Variants in MFGE8 observed in about 807,000 individuals in gnomAD.
MFGE8 encodes lactadherin.
A neutral mutation model predicts 42.6 loss-of-function variants in MFGE8; 34 were observed. The ratio of observed to expected loss-of-function variants is 0.80; its 90% CI spans 0.61 to 1.06. The LOEUF (loss-of-function observed/expected upper bound fraction) is 1.06. Ranked by LOEUF, MFGE8 falls within the 50% of genes least tolerant of loss-of-function variation. MFGE8 has a pLI of 0.00. For missense variants in MFGE8, 510 were observed against 516.9 expected, an observed-to-expected ratio of 0.99 and a Z score of 0.13; for synonymous variants, 230 against 214.8, an observed-to-expected ratio of 1.07 and a Z score of -0.62.
At position 88,908,963 on chromosome 15, in the gene MFGE8, G is replaced by A. The variant is rs555272350; in HGVS notation, c.205+829C>T. On this transcript the variant is annotated intron_variant, in intron 2 of 7. Coordinates refer to ENST00000268150, the MANE Select transcript of MFGE8 (RefSeq NM_005928.4). ...CCCCACATCTCCCTGAGGAGGGCAA[G>A]ATGTCCCCTGTCCCCTACCCAAGAT... is the stretch of plus-strand genomic sequence containing the variant. 2.0e-5 allele frequency among the ~76,000 whole-genome samples: 3 copies of A among 152,272 alleles called. No individual in the cohort carries two copies. The South Asian group carries it at 6.2e-4, about 32-fold the overall frequency.
chr15:88,913,288 CACA>C lies in MFGE8; in HGVS notation c.29_31del (p.Leu10_Cys11delinsArg). ...GCTGGGGGCGCAGAGCAGCGCGCCG[CACA>C]GCGCGGCCAGCAGGCGGGGGCGCGG... is the stretch of plus-strand genomic sequence containing the variant. On this transcript the variant is annotated inframe_deletion, in exon 1 of 8. Transcript: ENST00000268150. 6.7e-7 allele frequency: 1 copy of C among 1,482,250 alleles called. No homozygotes were observed. 91.8% of individuals were successfully genotyped at this position (1,482,250 alleles called of 1,614,324 possible).
At chr15:88,907,152 C>G (rs200463040) in intron 3 of MFGE8, 43 bp downstream of exon 3, 37 of 1,586,982 alleles carry the variant, frequency 2.3e-5, no homozygotes, top group Admixed American at 1.4e-4. Context: ...ATTCATCGAG[C>G]CTTCTCTCCA....
chr15:88,912,288 G>A, intron 1 of MFGE8: 1 of 1,287,032 alleles, frequency 7.8e-7, no homozygotes, highest in South Asian at 1.2e-5. Flanking sequence ...AAGGGGCTAA[G>A]AAGATCCAGC....
In MFGE8 at chr15:88,899,465, C is replaced by T. The variant is rs772742240; in HGVS notation, c.1094G>A (p.Arg365His). The change falls in exon 8 of 8, where the codon CGC becomes CAC. Residue 365 changes from arginine (R) to histidine (H), a missense_variant. By Grantham distance (29) the Arg-to-His change is conservative (BLOSUM62 0). Coordinates refer to ENST00000268150, the MANE Select transcript of MFGE8 (RefSeq NM_005928.4). The surrounding 1 kb of genome is among the most constrained non-coding windows in gnomAD (Gnocchi z 6.8). The part of the protein sequence containing the change: ...KNLFETPILA[R>H]YVRILPVAWH... ...GGCTACAGGCAGGATGCGCACATAG[C>T]GAGCCAGGATGGGCGTCTCAAACAA... 6.8e-6 allele frequency: 11 copies of T among 1,614,224 alleles called. No individual in the cohort carries two copies. The East Asian group carries it at 1.1e-4, about 16-fold the overall frequency.
At position 88,909,861 on chromosome 15, in the gene MFGE8, G is replaced by C. The variant is rs141213799; in HGVS notation, c.136C>G (p.Arg46Gly). The change falls in exon 2 of 8, where the codon CGA becomes GGA. Residue 46 changes from arginine to glycine, a missense_variant. Transcript: ENST00000268150. ...GTGTACGAGGGGAAGACATCTCCTC[G>C]CACTTCTTGGGAAATCTCCTCGCAT... ...GLCEEISQEV[R>G]GDVFPSYTCT... 23 of 1,614,080 alleles carry C rather than the reference G, an allele frequency of 1.4e-5. No homozygotes were observed. The highest frequency in any genetic ancestry group is 1.9e-5 in the Non-Finnish European group (22 of 1,180,038).
At position 88,899,723 on chromosome 15, in the gene MFGE8, T is replaced by G; in HGVS notation, c.959A>C (p.Lys320Thr). The G allele has an allele frequency of 6.2e-7, 1 of 1,614,120 alleles. No homozygotes were observed. Among genetic ancestry groups the G allele is most frequent in the Non-Finnish European group, 8.5e-7 (1 of 1,180,012 alleles). Residue 320 changes from lysine to threonine, a missense_variant, in exon 7 of 8, where the codon AAG becomes ACG. Physicochemically the swap from Lys to Thr is moderately conservative, Grantham distance 78 (BLOSUM62 -1). Coordinates refer to ENST00000268150, the MANE Select transcript of MFGE8 (RefSeq NM_005928.4). The surrounding 1 kb of genome is among the most constrained non-coding windows in gnomAD (Gnocchi z 6.8). Reference sequence around the variant, plus strand: ...CGCACTGTCATTACTGTAGGCAACCTTGTAGGATGCCACAAACTGGACAGA... The same window carrying G: ...CGCACTGTCATTACTGTAGGCAACCGTGTAGGATGCCACAAACTGGACAGA... Reference protein sequence around the residue: ...FGSVQFVASYKVAYSNDSANW... With the variant: ...FGSVQFVASYTVAYSNDSANW...
At position 88,906,711 on chromosome 15, in the gene MFGE8, T is replaced by C. The variant is rs761497426; in HGVS notation, c.455A>G (p.His152Arg). 4.0e-5 allele frequency: 64 copies of C among 1,613,828 alleles called. No homozygotes were observed. Among genetic ancestry groups the C allele is most frequent in the Non-Finnish European group, 3.8e-5 (45 of 1,179,960 alleles). ...CACCTTGAAGGCCTTCAGGTACTCA[T>C]GACTGGCCAAGCGGCTGGCACCCTG... ...VTQGASRLAS[H>R]EYLKAFKVAY... Residue 152 changes from histidine to arginine, a missense_variant, in exon 4 of 8, where the codon CAT (histidine) becomes CGT (arginine). Transcript: ENST00000268150. This position sits in a 1 kb window ranked among gnomAD's most constrained non-coding sequence, Gnocchi z 4.2.
chr15:88,909,388 T>C (rs1434326061), intron 2 of MFGE8, among the ~76,000 whole-genome samples: 1 of 152,200 alleles, frequency 6.6e-6, no homozygotes, highest in Non-Finnish European at 1.5e-5. Context: ...TTCCTGGGCC[T>C]CAAAAGACCA....
At chr15:88,901,287 TCACA>T (rs1211968429) in intron 6 of MFGE8, among the ~76,000 whole-genome samples, 1 of 99,772 alleles carries the variant, frequency 1.0e-5, no homozygotes, top group African/African-American at 3.7e-5. Context: ...ACACTCACAT[TCACA>T]CACATTCACA....
At chr15:88,912,011 G>A in intron 1 of MFGE8, 3 of 798,710 alleles carry the variant, frequency 3.8e-6, no homozygotes, top group Non-Finnish European at 5.5e-6. Context: ...CTTGGGTTGG[G>A]AATGGACTCT....
At chr15:88,910,685 G>C (rs1175491478) in intron 1 of MFGE8, 1 of 154,738 alleles carries the variant, frequency 6.5e-6, no homozygotes, top group Admixed American at 6.4e-5. Flanking sequence ...CAAAGTAAGG[G>C]GGGTGCCAGA....
At chr15:88,901,287 TCACACACATTCACACACTCACA>T (rs1898407893) in intron 6 of MFGE8, among the ~76,000 whole-genome samples, 1 of 99,768 alleles carries the variant, frequency 1.0e-5, no homozygotes, top group Non-Finnish European at 2.2e-5. Flanking sequence ...ACACTCACAT[TCACACACATTCACACACTCACA>T]CACACACATT....
chr15:88,906,925 C>A lies in MFGE8; in HGVS notation c.388-147G>T. On this transcript the variant is annotated intron_variant, in intron 3 of 7. Coordinates refer to ENST00000268150, the MANE Select transcript of MFGE8 (RefSeq NM_005928.4). This position sits in a 1 kb window ranked among gnomAD's most constrained non-coding sequence, Gnocchi z 4.2. ...GGGGTAGCTGAGCACACTGCCCGCA[C>A]AAAGGGCTTTCTTCTTCTGCCCAGG... 9.2e-7 allele frequency: 1 copy of A among 1,083,336 alleles called. No homozygotes were observed. The highest frequency in any genetic ancestry group is 1.4e-6 in the Non-Finnish European group (1 of 734,288). The allele number at this position is 1,083,336 out of a possible 1,614,324, so 67.1% of individuals were successfully genotyped here.
chr15:88,906,148 C>T lies in MFGE8; in HGVS notation c.541-247G>A. ...CCTGGGCATAAACCCCTATAGCTGA[C>T]ACAGGGCCACCTGTAACCTACAGGG... On this transcript the variant is annotated intron_variant, in intron 4 of 7. Coordinates refer to ENST00000268150, the MANE Select transcript of MFGE8 (RefSeq NM_005928.4). The surrounding 1 kb of genome is among the most constrained non-coding windows in gnomAD (Gnocchi z 4.2). 1.8e-6 allele frequency: 1 copy of T among 570,396 alleles called. No homozygotes were observed. Among genetic ancestry groups the T allele is most frequent in the South Asian group, 2.0e-5 (1 of 50,056 alleles). The allele number at this position is 570,396 out of a possible 1,614,324, so 35.3% of individuals were successfully genotyped here. A position where few individuals can be genotyped will look rare whatever the true frequency, so the allele number is the denominator to read the frequency against.
chr15:88,901,717 C>T lies in MFGE8; in HGVS notation c.704G>A (p.Gly235Asp). 1 of 1,613,944 alleles carries T rather than the reference C, an allele frequency of 6.2e-7. No individual in the cohort carries two copies. The highest frequency in any genetic ancestry group is 8.5e-7 in the Non-Finnish European group (1 of 1,179,990). The change falls in exon 6 of 8, where the codon GGC becomes GAC. Residue 235 changes from glycine to aspartate, a missense_variant. By Grantham distance (94) the Gly-to-Asp change is moderately conservative. Transcript: ENST00000268150. The part of the protein sequence containing the change: ...CELNGCANPL[G>D]LKNNSIPDKQ... ...GTCAGGGATGCTGTTATTCTTCAGG[C>T]CCAGGGGATTGGCGCATCCTGCCAG...
rs1898712210 is a variant in MFGE8, at chr15:88,906,980, C to T, written c.388-202G>A. Among the ~76,000 whole-genome samples the T allele has an allele frequency of 6.6e-6, 1 of 152,222 alleles. No homozygotes were observed. On this transcript the variant is annotated intron_variant, in intron 3 of 7. Coordinates refer to ENST00000268150, the MANE Select transcript of MFGE8 (RefSeq NM_005928.4). This position sits in a 1 kb window ranked among gnomAD's most constrained non-coding sequence, Gnocchi z 4.2. ...CAGAGGCCTCATCCAGCACCAACAGCTCCTCCACAGCCTGGGGCCTCCTCC... is the reference window on the plus strand; with the variant it reads ...CAGAGGCCTCATCCAGCACCAACAGTTCCTCCACAGCCTGGGGCCTCCTCC...
Position 88,906,438 on chromosome 15 carries a change from T to C in MFGE8, c.540+188A>G. 1.5e-6 allele frequency: 1 copy of C among 669,026 alleles called. No individual in the cohort carries two copies. 41.4% of individuals were successfully genotyped at this position (669,026 alleles called of 1,614,324 possible). ...TAGTCTCATCTCTAAAGTGGGACTA[T>C]TGCTTATAAACCACAGAACATGGAC... On this transcript the variant is annotated intron_variant, in intron 4 of 7. Transcript: ENST00000268150. This position sits in a 1 kb window ranked among gnomAD's most constrained non-coding sequence, Gnocchi z 4.2.
chr15:88,899,320 G>A lies in MFGE8; in HGVS notation c.*75C>T. On this transcript the variant is annotated 3_prime_UTR_variant, in exon 8 of 8. Coordinates refer to ENST00000268150, the MANE Select transcript of MFGE8 (RefSeq NM_005928.4). The surrounding 1 kb of genome is among the most constrained non-coding windows in gnomAD (Gnocchi z 6.8). ...CTTCCCCAGTCCCCAGCCCTATGGT[G>A]ATTTAAAGGGGCTGAGAAGCCAAGA... The A allele has an allele frequency of 6.3e-7, 1 of 1,596,500 alleles. No individual in the cohort carries two copies. Among genetic ancestry groups the A allele is most frequent in the Non-Finnish European group, 8.5e-7 (1 of 1,171,830 alleles).
chr15:88,900,652 C>G (rs1898318434), intron 6 of MFGE8: 6 of 959,758 alleles, frequency 6.3e-6, no homozygotes, highest in Non-Finnish European at 6.2e-6. Flanking sequence ...GTAAACCCAA[C>G]TCACTGCCAG....
Sources: allele counts gnomAD v4.1 joint callset (sites outside exome capture counted in the v4.1 genomes callset), GRCh38; gene constraint gnomAD v4.1.1; non-coding constraint Gnocchi (gnomAD v3.1); transcripts MANE v1.5; gene names NCBI Gene and HGNC (gene_info 2026-07-23, HGNC 2026-07-21).